The following HIP1R variants were observed in gnomAD, a reference collection of about 807,000 sequenced individuals.
HIP1R encodes huntingtin interacting protein 1 related.
Under a neutral mutation model 144.2 loss-of-function variants are expected in HIP1R, and 135 were observed. That is an observed-to-expected ratio of 0.94 (90% CI 0.81 to 1.08). The LOEUF is 1.08. Among genes scored for constraint, HIP1R ranks in the 50% least tolerant of loss-of-function variants. The pLI, the probability that HIP1R is intolerant of heterozygous loss-of-function variation, is 0.00. For synonymous variants in HIP1R, 698 were observed against 612.8 expected, an observed-to-expected ratio of 1.14 and a Z score of -2.05; for missense variants, 1,462 against 1,432.8, an observed-to-expected ratio of 1.02 and a Z score of -0.33.
chr12:122,848,410 T>C, intron 2 of HIP1R, 56 bp from the exon 3 acceptor site: 1 of 1,559,762 alleles, frequency 6.4e-7, no homozygotes, highest in Non-Finnish European at 8.7e-7. Context: ...CTCAGCCGGG[T>C]TTGCTGAGCC....
In HIP1R at chr12:122,851,102, C is replaced by T; in HGVS notation, c.516-134C>T. The T allele has an allele frequency of 4.5e-6, 4 of 898,620 alleles. No homozygotes were observed. The South Asian group carries it at 7.0e-5, about 16-fold the overall frequency. 55.7% of individuals were successfully genotyped at this position (898,620 alleles called of 1,614,324 possible). A position where few individuals can be genotyped will look rare whatever the true frequency, so the allele number is the denominator to read the frequency against. On this transcript the variant is annotated intron_variant, in intron 6 of 31. Transcript: ENST00000253083. ...TGGGGTGTACTTGAAGGACTGTCGT[C>T]CTGGCAGAGGCACGCTGTCTCACCA... is the stretch of plus-strand genomic sequence containing the variant.
intron 1 of HIP1R, among the ~76,000 whole-genome samples, chr12:122,841,763 CTG>C (rs1292967873): frequency 2.6e-5 from 4 of 152,150 alleles, no homozygotes; most frequent in Non-Finnish European, 5.9e-5. Context: ...CAGAGCCAGC[CTG>C]GCAGAGGGGT....
chr12:122,851,126 C>T, intron 6 of HIP1R, 110 bp from the exon 7 acceptor site: 3 of 1,029,990 alleles, frequency 2.9e-6, no homozygotes, highest in Non-Finnish European at 4.2e-6. Flanking sequence ...GCTGTCTCAC[C>T]AGAGCCATGG....
chr12:122,848,677 C>T (rs1456234841), intron 3 of HIP1R, 69 bp downstream of exon 3: 1 of 1,594,288 alleles, frequency 6.3e-7, no homozygotes, highest in Non-Finnish European at 8.6e-7. Context: ...GGGCTCTGGC[C>T]CTGTTCCTGT....
chr12:122,861,630 G>C (rs75217947), intron 31 of HIP1R, 76 bp from the exon 32 acceptor site: 66,534 of 1,587,990 alleles, frequency 0.042, 2,288 homozygotes, highest in East Asian at 0.22. Context: ...CATGCAGGGA[G>C]GAGCTTGCTC....
rs59499651 is a variant in HIP1R, at chr12:122,856,698, C to G, written c.1592C>G (p.Ala531Gly). 1.6e-5 allele frequency: 25 copies of G among 1,587,544 alleles called. No homozygotes were observed. The highest frequency in any genetic ancestry group is 2.6e-6 in the Non-Finnish European group (3 of 1,167,524). The change falls in exon 17 of 32, where the codon GCG becomes GGG. Residue 531 changes from alanine (A) to glycine (G), a missense_variant. By Grantham distance (60) the Ala-to-Gly change is moderately conservative. This residue lies in a region of HIP1R where 1,112 missense variants were observed against 1,011.7 expected (regional missense o/e 1.10). Coordinates refer to ENST00000253083, the MANE Select transcript of HIP1R (RefSeq NM_003959.3). ...LEAKAGELARAQEALSHTEQS... is the reference protein window; with the variant it reads ...LEAKAGELARGQEALSHTEQS... ...GCCAAGGCCGGAGAGCTGGCCCGCGCGCAGGAGGCCCTGAGCCACACAGAG... is the reference window on the plus strand; with the variant it reads ...GCCAAGGCCGGAGAGCTGGCCCGCGGGCAGGAGGCCCTGAGCCACACAGAG...
Position 122,848,088 on chromosome 12 carries a change from G to A in HIP1R, c.151G>A (p.Ala51Thr), listed in dbSNP as rs760319031. 7 of 1,613,440 alleles carry A rather than the reference G, an allele frequency of 4.3e-6. No individual in the cohort carries two copies. The highest frequency in any genetic ancestry group is 2.2e-5 in the East Asian group (1 of 44,886). ...TQEAPVKEKH[A>T]RRIILGTHHE... ...GGAGGCCCCCGTGAAGGAGAAGCACGCCCGGCGTATCCTTGGCCGGCTCTT... is the reference window on the plus strand; with the variant it reads ...GGAGGCCCCCGTGAAGGAGAAGCACACCCGGCGTATCCTTGGCCGGCTCTT... Residue 51 changes from alanine (A) to threonine (T), a missense_variant, in exon 2 of 32, where the codon GCC (alanine) becomes ACC (threonine). Physicochemically the swap from Ala to Thr is moderately conservative, Grantham distance 58. Transcript: ENST00000253083.
intron 31 of HIP1R, 88 bp from the exon 32 acceptor site, chr12:122,861,618 A>G (rs2033776377): frequency 6.3e-7 from 1 of 1,583,228 alleles, no homozygotes; most frequent in Non-Finnish European, 8.6e-7. Context: ...GACCACTGAC[A>G]ACATGCAGGG....
At position 122,860,156 on chromosome 12, in the gene HIP1R, G is replaced by T; in HGVS notation, c.2505G>T (p.Arg835=). Residue 835 remains arginine (R), a synonymous_variant, in exon 26 of 32, where the codon CGG becomes CGT. Transcript: ENST00000253083. ...TGTCTTGGTCTCGGCAGGCTATCCG[G>T]CTCCTGGTGACGACATCCACTAGCC... ...NSCTDLMKAI[R]LLVTTSTSLQ... is the part of the protein sequence containing the mutation. 6.3e-7 allele frequency: 1 copy of T among 1,578,084 alleles called. No individual in the cohort carries two copies. The highest frequency in any genetic ancestry group is 8.6e-7 in the Non-Finnish European group (1 of 1,164,110).
In HIP1R at chr12:122,860,517, A is replaced by AGCT. The variant is rs2033736691; in HGVS notation, c.2656_2658dup (p.Leu886dup). The AGCT allele has an allele frequency of 6.7e-7, 1 of 1,501,046 alleles. No individual in the cohort carries two copies. Among genetic ancestry groups the AGCT allele is most frequent in the Non-Finnish European group, 9.3e-7 (1 of 1,079,298 alleles). 93.0% of individuals were successfully genotyped at this position (1,501,046 alleles called of 1,614,324 possible). ...AAGGCTGTGGGCTGGGGAGCCACAC[A>AGCT]GCTGGTGTAGGTTGCCCTGGGTGGG... On this transcript the variant is annotated inframe_insertion, in exon 27 of 32. Coordinates refer to ENST00000253083, the MANE Select transcript of HIP1R (RefSeq NM_003959.3).
chr12:122,860,669 T>C lies in HIP1R; in HGVS notation c.2661-10T>C. 6.2e-7 allele frequency: 1 copy of C among 1,612,084 alleles called. No homozygotes were observed. Among genetic ancestry groups the C allele is most frequent in the Non-Finnish European group, 8.5e-7 (1 of 1,178,918 alleles). ...AGAGACCCTGGCCCTGACTGGCCCTTGACCCGCAGGGAGGCAGCTGACAAG... is the reference window on the plus strand; with the variant it reads ...AGAGACCCTGGCCCTGACTGGCCCTCGACCCGCAGGGAGGCAGCTGACAAG... On this transcript the variant is annotated splice_polypyrimidine_tract_variant and intron_variant, in intron 27 of 31. Coordinates refer to ENST00000253083, the MANE Select transcript of HIP1R (RefSeq NM_003959.3).
intron 1 of HIP1R, among the ~76,000 whole-genome samples, chr12:122,846,952 G>A (rs1437252915): frequency 2.6e-5 from 4 of 152,212 alleles, no homozygotes; most frequent in African/African-American, 7.2e-5. Context: ...GCGCAGGAGC[G>A]CTGCACTGTC....
chr12:122,841,138 G>A (rs1174529287), intron 1 of HIP1R, among the ~76,000 whole-genome samples: 1 of 140,644 alleles, frequency 7.1e-6, no homozygotes, highest in African/African-American at 2.6e-5. Context: ...CCCCCTCCCC[G>A]CCCAACTTGG....
At position 122,860,958 on chromosome 12, in the gene HIP1R, G is replaced by A; in HGVS notation, c.2809G>A (p.Glu937Lys). ...KHSPHLSRLQ[E>K]CSRTVNERAA... ...CAGCCCCCACCTGAGCCGCCTGCAG[G>A]AATGTTCTCGCACAGTCAATGAGAG... Residue 937 changes from glutamate (E) to lysine (K), a missense_variant, in exon 29 of 32, where the codon GAA becomes AAA. Physicochemically the swap from Glu to Lys is moderately conservative, Grantham distance 56 (BLOSUM62 1). Around this residue, in one of 2 missense-constraint regions of HIP1R, gnomAD observed 1,112 missense variants for 1,011.7 expected, o/e 1.10. Transcript: ENST00000253083. The A allele has an allele frequency of 6.2e-7, 1 of 1,613,490 alleles. No homozygotes were observed. Among genetic ancestry groups the A allele is most frequent in the Non-Finnish European group, 8.5e-7 (1 of 1,179,988 alleles).
At chr12:122,858,995 C>A (rs780031092) in intron 21 of HIP1R, 50 bp downstream of exon 21, 8 of 1,607,708 alleles carry the variant, frequency 5.0e-6, no homozygotes, top group Non-Finnish European at 6.8e-6. Flanking sequence ...TGGCTTGTCT[C>A]CCCTGGGGGT....
intron 18 of HIP1R, chr12:122,857,871 A>G (rs565426835): frequency 2.4e-6 from 1 of 418,266 alleles, no homozygotes; most frequent in Non-Finnish European, 4.2e-6. Flanking sequence ...CCATTTGTGT[A>G]TCTTTGGAGA....
At chr12:122,860,637 T>G (rs2033741278) in intron 27 of HIP1R, 42 bp from the exon 28 acceptor site, 1 of 1,580,354 alleles carries the variant, frequency 6.3e-7, no homozygotes, top group Non-Finnish European at 8.7e-7. Flanking sequence ...CAGCCGTCCG[T>G]GGGGTCAGAG....
At position 122,862,057 on chromosome 12, in the gene HIP1R, A is replaced by C; in HGVS notation, c.*304A>C. On this transcript the variant is annotated 3_prime_UTR_variant, in exon 32 of 32. Transcript: ENST00000253083. ...TTTTTAATATTCCTCTTCAGAAAAT[A>C]GTGTTTTTAATATTCCGAGCTAGAG... 1 of 400,600 alleles carries C rather than the reference A, an allele frequency of 2.5e-6. No homozygotes were observed. The allele number at this position is 400,600 out of a possible 1,614,324, so 24.8% of individuals were successfully genotyped here.
At chr12:122,848,691 C>T (rs921415772) in intron 3 of HIP1R, 83 bp downstream of exon 3, 15 of 1,593,946 alleles carry the variant, frequency 9.4e-6, no homozygotes, top group Admixed American at 1.7e-5. Flanking sequence ...TTCCTGTCCC[C>T]GTAGCTCCGG....
Sources: allele counts gnomAD v4.1 joint callset (sites outside exome capture counted in the v4.1 genomes callset), GRCh38; gene constraint gnomAD v4.1.1; regional missense constraint gnomAD v4.1.1; transcripts MANE v1.5; gene names NCBI Gene and HGNC (gene_info 2026-07-23, HGNC 2026-07-21).